CXCL16: variants seen among roughly 807,000 people sequenced by gnomAD.
CXCL16 encodes the protein C-X-C motif chemokine 16.
A neutral mutation model predicts 23.8 loss-of-function variants in CXCL16; 18 were observed. The observed-to-expected ratio is 0.76, with a 90% confidence interval of 0.52 to 1.12. The LOEUF is 1.12. Among genes scored for constraint, CXCL16 ranks in the 50% most tolerant of loss-of-function variants. The pLI is 0.00. For synonymous variants in CXCL16, 123 were observed against 132.5 expected (o/e 0.93, Z 0.49); for missense variants, 297 against 315.4 (o/e 0.94, Z 0.44).
In CXCL16 at chr17:4,738,435, C is replaced by G; in HGVS notation, c.274G>C (p.Glu92Gln). 8.7e-6 allele frequency: 14 copies of G among 1,614,122 alleles called. No homozygotes were observed. The highest frequency in any genetic ancestry group is 1.2e-5 in the Non-Finnish European group (14 of 1,179,966). The change falls in exon 3 of 6, where the codon GAA becomes CAA. Residue 92 changes from glutamate to glutamine, a missense_variant. Coordinates refer to ENST00000293778, the MANE Select transcript of CXCL16 (RefSeq NM_001386809.1). The surrounding 1 kb of genome is among the most constrained non-coding windows in gnomAD (Gnocchi z 4.0). ...TTGAGATCAAGACAGCTCATCAATT[C>G]CTGAACCCATGGGTCCTTGTTGCCC... ...CGGNKDPWVQ[E>Q]LMSCLDLKEC... is the part of the protein sequence containing the mutation.
chr17:4,738,964 G>A lies in CXCL16; in HGVS notation c.80-44C>T. 1.2e-6 allele frequency: 2 copies of A among 1,602,910 alleles called. No individual in the cohort carries two copies. Among genetic ancestry groups the A allele is most frequent in the South Asian group, 1.1e-5 (1 of 89,474 alleles). ...GTCGGCACCCATTCCCAGGCCCAGG[G>A]TCCCCACTCCGCTGTTCCCTGGCAT... On this transcript the variant is annotated intron_variant, in intron 1 of 5. Coordinates refer to ENST00000293778, the MANE Select transcript of CXCL16 (RefSeq NM_001386809.1). This position sits in a 1 kb window ranked among gnomAD's most constrained non-coding sequence, Gnocchi z 4.0.
In CXCL16 at chr17:4,738,673, G is replaced by T; in HGVS notation, c.218+109C>A. ...ATGAGAGCAAACGGAACCCGGAGAT[G>T]GGGCTCGGTGAGCCGGGAAGGAGTT... On this transcript the variant is annotated intron_variant, in intron 2 of 5. Coordinates refer to ENST00000293778, the MANE Select transcript of CXCL16 (RefSeq NM_001386809.1). The surrounding 1 kb of genome is among the most constrained non-coding windows in gnomAD (Gnocchi z 4.0). 8.1e-7 allele frequency: 1 copy of T among 1,230,674 alleles called. No homozygotes were observed. Among genetic ancestry groups the T allele is most frequent in the Non-Finnish European group, 1.1e-6 (1 of 876,028 alleles). 76.2% of individuals were successfully genotyped at this position (1,230,674 alleles called of 1,614,324 possible).
At chr17:4,737,450 G>C (rs1174890043) in intron 3 of CXCL16, among the ~76,000 whole-genome samples, 246 of 148,624 alleles carry the variant, frequency 1.7e-3, no homozygotes, top group African/African-American at 5.7e-3. Flanking sequence ...CATGGTGGCG[G>C]GCACCTGCAA....
chr17:4,734,462 G>A lies in CXCL16; in HGVS notation c.*41C>T. The A allele has an allele frequency of 1.6e-6, 1 of 607,498 alleles. No homozygotes were observed. The highest frequency in any genetic ancestry group is 3.1e-5 in the East Asian group (1 of 32,694). The allele number at this position is 607,498 out of a possible 1,614,324, so 37.6% of individuals were successfully genotyped here. On this transcript the variant is annotated 3_prime_UTR_variant, in exon 6 of 6. Transcript: ENST00000293778. ...ACTCAGGAGTTCCATAACAGCCTGG[G>A]CAACATAGAGTCCGTCTCTAAAAAA...
rs1247347483 is a variant in CXCL16 at position 4,733,917 on chromosome 17, A to C, written c.*586T>G. 1 of 152,522 alleles carries C rather than the reference A, an allele frequency of 6.6e-6. No individual in the cohort carries two copies. Among genetic ancestry groups the C allele is most frequent in the East Asian group, 1.9e-4 (1 of 5,208 alleles). 9.4% of individuals were successfully genotyped at this position (152,522 alleles called of 1,614,324 possible). On this transcript the variant is annotated 3_prime_UTR_variant, in exon 6 of 6. Coordinates refer to ENST00000293778, the MANE Select transcript of CXCL16 (RefSeq NM_001386809.1). ...CAAAAATAATTTTTAGTAGTTAAAA[A>C]ACACACATAGGGCCAGGCATGGTGG... is the stretch of plus-strand genomic sequence containing the variant.
rs776689689 is a variant in CXCL16 at position 4,738,357 on chromosome 17, A to C, written c.301+51T>G. On this transcript the variant is annotated intron_variant, in intron 3 of 5. Transcript: ENST00000293778. This position sits in a 1 kb window ranked among gnomAD's most constrained non-coding sequence, Gnocchi z 4.0. ...TCAGGTAAAGAAAACTGTCAGGTGG[A>C]AGCTGCTAAGCCCTGGAGGCAGAGC... is the stretch of plus-strand genomic sequence containing the variant. The C allele has an allele frequency of 7.1e-7, 1 of 1,412,174 alleles. No individual in the cohort carries two copies. The highest frequency in any genetic ancestry group is 2.3e-5 in the East Asian group (1 of 43,954). 87.5% of individuals were successfully genotyped at this position (1,412,174 alleles called of 1,614,324 possible).
At position 4,734,663 on chromosome 17, in the gene CXCL16, TA is replaced by T. The variant is rs779454277; in HGVS notation, c.719-12del. On this transcript the variant is annotated splice_polypyrimidine_tract_variant and intron_variant, in intron 4 of 5. Coordinates refer to ENST00000293778, the MANE Select transcript of CXCL16 (RefSeq NM_001386809.1). The stretch of plus-strand genomic sequence containing the variant: ...AATGAACCGGCAGATCTGGAAAGGA[TA>T]AAGAAATTGAGAGATGAGCTCTGAG... The T allele has an allele frequency of 6.2e-7, 1 of 1,608,366 alleles. No individual in the cohort carries two copies. Among genetic ancestry groups the T allele is most frequent in the East Asian group, 2.2e-5 (1 of 44,808 alleles).
Position 4,739,490 on chromosome 17 carries a change from C to T in CXCL16, c.-151G>A, listed in dbSNP as rs1916279402. ...GAGAGGAGGCGCGAGCCAGCTGCAC[C>T]CCCCGGCCCTGCTGTGCCCCGACCG... On this transcript the variant is annotated 5_prime_UTR_variant, in exon 1 of 6. Transcript: ENST00000293778. The surrounding 1 kb of genome is among the most constrained non-coding windows in gnomAD (Gnocchi z 5.3). The T allele has an allele frequency of 8.3e-7, 1 of 1,198,986 alleles. No individual in the cohort carries two copies. The highest frequency in any genetic ancestry group is 1.2e-6 in the Non-Finnish European group (1 of 842,416). 74.3% of individuals were successfully genotyped at this position (1,198,986 alleles called of 1,614,324 possible). A position where few individuals can be genotyped will look rare whatever the true frequency, so the allele number is the denominator to read the frequency against.
At position 4,738,474 on chromosome 17, in the gene CXCL16, A is replaced by G. The variant is rs761942667; in HGVS notation, c.235T>C (p.Trp79Arg). The G allele has an allele frequency of 1.2e-6, 2 of 1,613,546 alleles. No individual in the cohort carries two copies. Among genetic ancestry groups the G allele is most frequent in the East Asian group, 2.2e-5 (1 of 44,882 alleles). ...LYYTRFQLLSWSVCGGNKDPW... is the reference protein window; with the variant it reads ...LYYTRFQLLSRSVCGGNKDPW... ...TCCTTGTTGCCCCCACACACGCTCC[A>G]GGAAAGGAGCTGGAACCTGCGGAGG... Residue 79 changes from tryptophan (W) to arginine (R), a missense_variant, in exon 3 of 6, where the codon TGG (tryptophan) becomes CGG (arginine). Coordinates refer to ENST00000293778, the MANE Select transcript of CXCL16 (RefSeq NM_001386809.1). This position sits in a 1 kb window ranked among gnomAD's most constrained non-coding sequence, Gnocchi z 4.0.
Position 4,738,916 on chromosome 17 carries a change from A to G in CXCL16, c.84T>C (p.Asn28=), listed in dbSNP as rs776245662. ...LLLVYLTQPG[N]GNEGSVTGSC... ...TTCCAGTGACGCTGCCCTCGTTGCCATTGCCTGCGCGGGACGGAGGTGGTC... is the reference window on the plus strand; with the variant it reads ...TTCCAGTGACGCTGCCCTCGTTGCCGTTGCCTGCGCGGGACGGAGGTGGTC... The change falls in exon 2 of 6, where the codon AAT becomes AAC. Residue 28 remains asparagine, a synonymous_variant. Coordinates refer to ENST00000293778, the MANE Select transcript of CXCL16 (RefSeq NM_001386809.1). The surrounding 1 kb of genome is among the most constrained non-coding windows in gnomAD (Gnocchi z 4.0). 23 of 1,613,560 alleles carry G rather than the reference A, an allele frequency of 1.4e-5. No individual in the cohort carries two copies. The highest frequency in any genetic ancestry group is 8.3e-5 in the Admixed American group (5 of 59,954).
At position 4,733,814 on chromosome 17, in the gene CXCL16, C is replaced by CA. The variant is rs1916070206; in HGVS notation, c.*688dup. Reference sequence around the variant, plus strand: ...ATTTGGGACGAGGGGGAACCATCAGCAAAAAATGAAGCCAGGAATCACAGT... The same window carrying CA: ...ATTTGGGACGAGGGGGAACCATCAGCAAAAAAATGAAGCCAGGAATCACAGT... On this transcript the variant is annotated 3_prime_UTR_variant, in exon 6 of 6. Transcript: ENST00000293778. The CA allele has an allele frequency of 6.6e-6, 1 of 152,520 alleles. No homozygotes were observed. Among genetic ancestry groups the CA allele is most frequent in the African/African-American group, 2.4e-5 (1 of 41,372 alleles). The allele number at this position is 152,520 out of a possible 1,614,324, so 9.4% of individuals were successfully genotyped here.
intron 3 of CXCL16, among the ~76,000 whole-genome samples, chr17:4,737,870 G>T (rs1043999324): frequency 6.6e-6 from 1 of 151,160 alleles, no homozygotes; most frequent in Admixed American, 6.7e-5. Flanking sequence ...GGTGGCTCAC[G>T]CCTGTAATCC....
In CXCL16 at chr17:4,739,105, C is replaced by T; in HGVS notation, c.79+156G>A. 8.3e-7 allele frequency: 1 copy of T among 1,203,710 alleles called. No individual in the cohort carries two copies. Among genetic ancestry groups the T allele is most frequent in the Non-Finnish European group, 1.2e-6 (1 of 866,640 alleles). The allele number at this position is 1,203,710 out of a possible 1,614,324, so 74.6% of individuals were successfully genotyped here. On this transcript the variant is annotated intron_variant, in intron 1 of 5. Coordinates refer to ENST00000293778, the MANE Select transcript of CXCL16 (RefSeq NM_001386809.1). This position sits in a 1 kb window ranked among gnomAD's most constrained non-coding sequence, Gnocchi z 5.3. ...ATAATCCCGCCCGGAGCCAGGCGTC[C>T]CCGGGCCTCTGTCCCCAACCCCAGG...
chr17:4,737,083 C>T (rs1916174989), intron 3 of CXCL16, among the ~76,000 whole-genome samples: 2 of 151,944 alleles, frequency 1.3e-5, no homozygotes, highest in Admixed American at 6.6e-5. Context: ...TCCCAAAGAG[C>T]TAGGATTACA....
In CXCL16 at chr17:4,738,222, G is replaced by T. The variant is rs374641140; in HGVS notation, c.301+186C>A. 6.6e-6 allele frequency among the ~76,000 whole-genome samples: 1 copy of T among 152,190 alleles called. No homozygotes were observed. Among genetic ancestry groups the T allele is most frequent in the East Asian group, 1.9e-4 (1 of 5,198 alleles). ...GGTAGAATGAATTGGCAAAACTCAT[G>T]AAGGTGATGGTGAATGATCACCCCG... On this transcript the variant is annotated intron_variant, in intron 3 of 5. Coordinates refer to ENST00000293778, the MANE Select transcript of CXCL16 (RefSeq NM_001386809.1). The surrounding 1 kb of genome is among the most constrained non-coding windows in gnomAD (Gnocchi z 4.0).
chr17:4,739,117 T>G lies in CXCL16; in HGVS notation c.79+144A>C. On this transcript the variant is annotated intron_variant, in intron 1 of 5. Transcript: ENST00000293778. This position sits in a 1 kb window ranked among gnomAD's most constrained non-coding sequence, Gnocchi z 5.3. ...GGAGCCAGGCGTCCCCGGGCCTCTGTCCCCAACCCCAGGCGGCTGGCTGGC... is the reference window on the plus strand; with the variant it reads ...GGAGCCAGGCGTCCCCGGGCCTCTGGCCCCAACCCCAGGCGGCTGGCTGGC... The G allele has an allele frequency of 1.6e-6, 2 of 1,257,280 alleles. No homozygotes were observed. The highest frequency in any genetic ancestry group is 2.2e-6 in the Non-Finnish European group (2 of 910,148). The allele number at this position is 1,257,280 out of a possible 1,614,324, so 77.9% of individuals were successfully genotyped here.
At position 4,735,030 on chromosome 17, in the gene CXCL16, G is replaced by A; in HGVS notation, c.718+62C>T. ...TTTCCAGCCACCTGAGAGCCACTGG[G>A]TCAGGATGCCTGTCAGGAAGGCTCT... On this transcript the variant is annotated intron_variant, in intron 4 of 5. Coordinates refer to ENST00000293778, the MANE Select transcript of CXCL16 (RefSeq NM_001386809.1). The A allele has an allele frequency of 4.0e-6, 6 of 1,502,912 alleles. No homozygotes were observed. The South Asian group carries it at 6.2e-5, about 15-fold the overall frequency. 93.1% of individuals were successfully genotyped at this position (1,502,912 alleles called of 1,614,324 possible).
At chr17:4,736,128 G>T (rs1213617680) in intron 3 of CXCL16, among the ~76,000 whole-genome samples, 1 of 152,074 alleles carries the variant, frequency 6.6e-6, no homozygotes, top group Non-Finnish European at 1.5e-5. Flanking sequence ...GCAATAAATG[G>T]GGGGTGGGGG....
Position 4,739,034 on chromosome 17 carries a change from G to C in CXCL16, c.80-114C>G, listed in dbSNP as rs1272540729. On this transcript the variant is annotated intron_variant, in intron 1 of 5. Coordinates refer to ENST00000293778, the MANE Select transcript of CXCL16 (RefSeq NM_001386809.1). The surrounding 1 kb of genome is among the most constrained non-coding windows in gnomAD (Gnocchi z 5.3). ...CAGCCTCTCGGTGGACCCAGGGTCA[G>C]AGCGCCAGGCTCAACCCACACATCA... The C allele has an allele frequency of 2.2e-6, 3 of 1,364,974 alleles. No individual in the cohort carries two copies. The highest frequency in any genetic ancestry group is 3.0e-6 in the Non-Finnish European group (3 of 1,008,648). 84.6% of individuals were successfully genotyped at this position (1,364,974 alleles called of 1,614,324 possible).
Sources: allele counts gnomAD v4.1 joint callset (sites outside exome capture counted in the v4.1 genomes callset), GRCh38; gene constraint gnomAD v4.1.1; non-coding constraint Gnocchi (gnomAD v3.1); transcripts MANE v1.5; gene names NCBI Gene and HGNC (gene_info 2026-07-23, HGNC 2026-07-21).